The following GALNT16 variants were observed in gnomAD, a reference collection of about 807,000 sequenced individuals.
GALNT16 encodes the protein UDP-GalNAc:polypeptide N-acetylgalactosaminyltransferase-like protein 1.
In GALNT16, 40 loss-of-function variants were observed where a neutral mutation model predicts 76.1. The observed-to-expected ratio is 0.53, with a 90% CI of 0.41 to 0.68. GALNT16 has a LOEUF of 0.68. Among genes scored for constraint, GALNT16 ranks in the 30% least tolerant of loss-of-function variants. GALNT16 has a pLI of 0.00. For missense variants in GALNT16, 621 were observed against 731.9 expected (o/e 0.85, Z 1.75); for synonymous variants, 276 against 285.2 (o/e 0.97, Z 0.32).
the GALNT16 span, among the ~76,000 whole-genome samples, chr14:69,370,806 T>C: frequency 3.0e-3 from 460 of 152,364 alleles, 4 homozygotes; most frequent in African/African-American, 0.011. Context: ...TGGAATCTTA[T>C]ACTGATGGGC....
At chr14:69,343,458 A>G (rs1047732459) in intron 12 of GALNT16, among the ~76,000 whole-genome samples, 5 of 152,262 alleles carry the variant, frequency 3.3e-5, no homozygotes, top group Non-Finnish European at 5.9e-5. Flanking sequence ...TTCCAGAACA[A>G]TGTGAGCACT....
At chr14:69,344,989 A>C (rs1473015664) in intron 12 of GALNT16, among the ~76,000 whole-genome samples, 1 of 152,204 alleles carries the variant, frequency 6.6e-6, no homozygotes, top group Non-Finnish European at 1.5e-5. Context: ...CAAATGGGTA[A>C]GGATGAGACA....
intron 1 of GALNT16, among the ~76,000 whole-genome samples, chr14:69,293,959 C>T (rs1364217908): frequency 6.6e-6 from 1 of 152,002 alleles, no homozygotes; most frequent in African/African-American, 2.4e-5. Flanking sequence ...GGCATAATCT[C>T]GGCTCACTGC....
At chr14:69,272,031 T>C (rs1201213015) in intron 1 of GALNT16, among the ~76,000 whole-genome samples, 1 of 152,184 alleles carries the variant, frequency 6.6e-6, no homozygotes, top group Non-Finnish European at 1.5e-5. Context: ...CACTGGGCAG[T>C]GCTGGTGCTC....
intron 1 of GALNT16, among the ~76,000 whole-genome samples, chr14:69,304,300 G>C (rs1216971984): frequency 1.3e-5 from 2 of 152,196 alleles, no homozygotes; most frequent in Non-Finnish European, 2.9e-5. Context: ...GACAGAGTTG[G>C]AGAGTTCAGT....
chr14:69,283,636 T>C (rs538423332), intron 1 of GALNT16, among the ~76,000 whole-genome samples: 1 of 152,188 alleles, frequency 6.6e-6, no homozygotes, highest in African/African-American at 2.4e-5. Flanking sequence ...CAAATTTAGC[T>C]CTATCACTTA....
chr14:69,321,014 C>T, intron 2 of GALNT16, 146 bp downstream of exon 2: 2 of 886,004 alleles, frequency 2.3e-6, no homozygotes, highest in Non-Finnish European at 3.4e-6. Context: ...AACCCTCACC[C>T]TCTGTTGCTG....
chr14:69,321,667 C>T (rs900715031), intron 2 of GALNT16, among the ~76,000 whole-genome samples: 1 of 152,186 alleles, frequency 6.6e-6, no homozygotes, highest in Non-Finnish European at 1.5e-5. Flanking sequence ...ATGCTGTTTC[C>T]TCTGCCTAAA....
intron 14 of GALNT16, chr14:69,351,761 A>T: frequency 3.3e-6 from 1 of 303,762 alleles, no homozygotes. Context: ...AAAAATTTAA[A>T]AATTAGCTGG....
the GALNT16 span, among the ~76,000 whole-genome samples, chr14:69,381,601 T>C: frequency 2.6e-5 from 4 of 152,046 alleles, no homozygotes; most frequent in Non-Finnish European, 4.4e-5. Flanking sequence ...GAGTACTGGG[T>C]GTCGCTTTAA....
At chr14:69,373,290 C>A in the GALNT16 span, among the ~76,000 whole-genome samples, 1 of 152,340 alleles carries the variant, frequency 6.6e-6, no homozygotes, top group South Asian at 2.1e-4. Context: ...CCTGGGCTTC[C>A]AAGAAAGAAA....
chr14:69,294,341 T>G (rs1443343034), intron 1 of GALNT16, among the ~76,000 whole-genome samples: 1 of 152,160 alleles, frequency 6.6e-6, no homozygotes, highest in East Asian at 1.9e-4. Flanking sequence ...AGGCTGGTCT[T>G]GAACTCCTGA....
chr14:69,270,718 C>T (rs2044397130), intron 1 of GALNT16, among the ~76,000 whole-genome samples: 1 of 152,166 alleles, frequency 6.6e-6, no homozygotes, highest in Non-Finnish European at 1.5e-5. Context: ...CTGATTATTT[C>T]CTTGGAAGTC....
intron 2 of GALNT16, among the ~76,000 whole-genome samples, chr14:69,322,981 T>TGTGTGTGTGTGTGTGC (rs1196943800): frequency 7.1e-5 from 2 of 28,346 alleles, no homozygotes; most frequent in South Asian, 1.5e-3. Context: ...TGTGTGTGTG[T>TGTGTGTGTGTGTGTGC]GCGCGCGCAC....
At chr14:69,329,121 G>T (rs1490099573) in intron 6 of GALNT16, among the ~76,000 whole-genome samples, 2 of 152,194 alleles carry the variant, frequency 1.3e-5, no homozygotes, top group Non-Finnish European at 2.9e-5. Flanking sequence ...ACTTTGGGAG[G>T]CCGGGGAGGG....
At chr14:69,294,428 A>G (rs956215746) in intron 1 of GALNT16, among the ~76,000 whole-genome samples, 1 of 151,912 alleles carries the variant, frequency 6.6e-6, no homozygotes, top group Non-Finnish European at 1.5e-5. Flanking sequence ...GCCCCCTTTT[A>G]CCTTTTTAAA....
chr14:69,285,040 C>CT (rs11401674), intron 1 of GALNT16, among the ~76,000 whole-genome samples: 23,184 of 127,266 alleles, frequency 0.18, 3,388 homozygotes, highest in East Asian at 0.7. Flanking sequence ...CTCGGGCACT[C>CT]TTTTTTTTTT....
chr14:69,295,505 A>G (rs1456532031), intron 1 of GALNT16, among the ~76,000 whole-genome samples: 1 of 151,504 alleles, frequency 6.6e-6, no homozygotes, highest in African/African-American at 2.4e-5. Context: ...AGATCACTTG[A>G]GGTCAGGAGT....
chr14:69,274,953 GAC>G (rs1414407233), intron 1 of GALNT16, among the ~76,000 whole-genome samples: 1 of 152,174 alleles, frequency 6.6e-6, no homozygotes, highest in Non-Finnish European at 1.5e-5. Context: ...CAAAGCCATG[GAC>G]ACACTTACTT....
Sources: allele counts gnomAD v4.1 joint callset (sites outside exome capture counted in the v4.1 genomes callset), GRCh38; gene constraint gnomAD v4.1.1; transcripts MANE v1.5; gene names NCBI Gene and HGNC (gene_info 2026-07-23, HGNC 2026-07-21).